The following OR2T10 variants were observed in gnomAD, a reference collection of about 807,000 sequenced individuals.
OR2T10 encodes olfactory receptor family 2 subfamily T member 10.
For synonymous variants in OR2T10, 125 were observed against 141.8 expected, an observed-to-expected ratio of 0.88 and a Z score of 0.84; for missense variants, 335 against 382.5, an observed-to-expected ratio of 0.88 and a Z score of 1.04.
At position 248,595,488 on chromosome 1, in the gene OR2T10, C is replaced by G. The variant is rs80004128; in HGVS notation, c.-28-1692G>C. ...ATCTTGCCCTGGCCAAGACTAAACT[C>G]GTGGGTTTTCATTTTGTTTTAGAAA... On this transcript the variant is annotated intron_variant, in intron 1 of 1. Coordinates refer to ENST00000642090, the MANE Select transcript of OR2T10 (RefSeq NM_001004693.2). 4.5e-3 allele frequency among the ~76,000 whole-genome samples: 647 copies of G among 142,976 alleles called. 102 individuals are homozygous for G. In the East Asian group the frequency reaches 0.11, roughly 25 times the overall value. The allele number at this position is 142,976 out of a possible 152,430, so 93.8% of individuals were successfully genotyped here. A position where few individuals can be genotyped will look rare whatever the true frequency, so the allele number is the denominator to read the frequency against.
chr1:248,597,408 T>C (rs1278346284), intron 1 of OR2T10, 84 bp downstream of exon 1: 1 of 143,066 alleles, frequency 7.0e-6, no homozygotes, highest in Non-Finnish European at 1.5e-5. Context: ...AACTGTTACA[T>C]TGGTGATTAA....
chr1:248,593,110 T>A lies in OR2T10; in HGVS notation c.659A>T (p.Tyr220Phe), dbSNP rs28733753. 0.017 allele frequency: 26,324 copies of A among 1,572,486 alleles called. 5,581 individuals carry two copies. In the African/African-American group the frequency reaches 0.23, roughly 14 times the overall value. The stretch of plus-strand genomic sequence containing the variant: ...CATCTTATGGATGGTGAGGATGATA[T>A]AGTAGTAAGACACTGAAATGACCGT... Reference protein sequence around the residue: ...PVTVISVSYYYIILTIHKMNS... With the variant: ...PVTVISVSYYFIILTIHKMNS... The change falls in exon 2 of 2, where the codon TAT becomes TTT. Residue 220 changes from tyrosine to phenylalanine, a missense_variant. Tyr to Phe is a conservative substitution (Grantham distance 22, BLOSUM62 3). Transcript: ENST00000642090.
At chr1:248,595,797 A>G (rs1660081346) in intron 1 of OR2T10, among the ~76,000 whole-genome samples, 1 of 142,892 alleles carries the variant, frequency 7.0e-6, no homozygotes, top group Non-Finnish European at 1.5e-5. Flanking sequence ...TAGATTCCAA[A>G]AGACAATGAA....
rs1489368008 is a variant in OR2T10, at chr1:248,594,356, C to T, written c.-28-560G>A. Among the ~76,000 whole-genome samples, 10 of 143,374 alleles carry T rather than the reference C, an allele frequency of 7.0e-5. 2 individuals carry two copies. Among genetic ancestry groups the T allele is most frequent in the Non-Finnish European group, 1.2e-4 (8 of 66,280 alleles). 94.1% of individuals were successfully genotyped at this position (143,374 alleles called of 152,430 possible). ...CATAAAATTCCAAACCCTTATATAA[C>T]GTTACAAATTTAGTCAAATTTCTTT... On this transcript the variant is annotated intron_variant, in intron 1 of 1. Transcript: ENST00000642090.
chr1:248,593,414 C>A lies in OR2T10; in HGVS notation c.355G>T (p.Ala119Ser). The change falls in exon 2 of 2, where the codon GCC becomes TCC. Residue 119 changes from alanine (A) to serine (S), a missense_variant. Physicochemically the swap from Ala to Ser is moderately conservative, Grantham distance 99. Transcript: ENST00000642090. The part of the protein sequence containing the change: ...GAECCLLAAM[A>S]YDRYVAICHP... ...CAGATAGCCACATAGCGGTCATAGGCCATGGCGGCTAGAAGGCAGCACTCT... is the reference window on the plus strand; with the variant it reads ...CAGATAGCCACATAGCGGTCATAGGACATGGCGGCTAGAAGGCAGCACTCT... 6.4e-7 allele frequency: 1 copy of A among 1,572,068 alleles called. No individual in the cohort carries two copies. The highest frequency in any genetic ancestry group is 8.6e-7 in the Non-Finnish European group (1 of 1,156,490).
rs1660001716 is a variant in OR2T10 at position 248,591,685 on chromosome 1, C to T, written c.*1145G>A. 1.4e-5 allele frequency: 2 copies of T among 143,934 alleles called. 1 individual carries two copies. The highest frequency in any genetic ancestry group is 5.5e-5 in the African/African-American group (2 of 36,640). The allele number at this position is 143,934 out of a possible 1,614,324, so 8.9% of individuals were successfully genotyped here. A position where few individuals can be genotyped will look rare whatever the true frequency, so the allele number is the denominator to read the frequency against. The stretch of plus-strand genomic sequence containing the variant: ...AGAGGCAATGCAGTGTGGAAAAGGC[C>T]ACAGACTCCACAAGACGTGGCACAT... On this transcript the variant is annotated 3_prime_UTR_variant, in exon 2 of 2. Transcript: ENST00000642090.
intron 1 of OR2T10, among the ~76,000 whole-genome samples, 151 bp downstream of exon 1, chr1:248,597,341 A>AAT (rs1233377323): frequency 0.078 from 99 of 1,268 alleles, 7 homozygotes; most frequent in Non-Finnish European, 0.12. Flanking sequence ...TGTGATCTAT[A>AAT]ATATAACAAT....
chr1:248,595,314 C>T (rs1660075484), intron 1 of OR2T10, among the ~76,000 whole-genome samples: 1 of 143,612 alleles, frequency 7.0e-6, no homozygotes, highest in African/African-American at 2.7e-5. Context: ...TTATTTAAAT[C>T]AGACACATAT....
chr1:248,595,374 T>C (rs1330244150), intron 1 of OR2T10, among the ~76,000 whole-genome samples: 2 of 143,672 alleles, frequency 1.4e-5, no homozygotes, highest in Admixed American at 6.8e-5. Flanking sequence ...TACATTGTAA[T>C]GTACACTTTA....
chr1:248,593,269 G>T lies in OR2T10; in HGVS notation c.500C>A (p.Pro167His). ...CTGAATCTCATGGGATCTGCAGAAGGGGAAGCTCATGGCGATGGGAGTGAG... is the reference window on the plus strand; with the variant it reads ...CTGAATCTCATGGGATCTGCAGAAGTGGAAGCTCATGGCGATGGGAGTGAG... ...FMLTPIAMSF[P>H]FCRSHEIQHF... is the part of the protein sequence containing the mutation. Residue 167 changes from proline (P) to histidine (H), a missense_variant, in exon 2 of 2, where the codon CCC (proline) becomes CAC (histidine). Physicochemically the swap from Pro to His is moderately conservative, Grantham distance 77. Coordinates refer to ENST00000642090, the MANE Select transcript of OR2T10 (RefSeq NM_001004693.2). 1 of 1,573,684 alleles carries T rather than the reference G, an allele frequency of 6.4e-7. No homozygotes were observed. Among genetic ancestry groups the T allele is most frequent in the Non-Finnish European group, 8.6e-7 (1 of 1,157,050 alleles).
intron 1 of OR2T10, chr1:248,595,001 CA>C (rs1660070892): frequency 7.0e-6 from 1 of 143,140 alleles, no homozygotes; most frequent in Non-Finnish European, 1.5e-5. Context: ...TGGCTGTGAA[CA>C]ATCAATTGAG....
rs139186691 is a variant in OR2T10, at chr1:248,593,604, C to T, written c.165G>A (p.Leu55=). 4.8e-5 allele frequency: 75 copies of T among 1,564,856 alleles called. 9 individuals carry two copies. The African/African-American group carries it at 7.2e-4, about 15-fold the overall frequency. ...TTATAAAGAAGTACATGGGAGTATG[C>T]AGAGAGGAGTCAATGTGGATCAGAA... ...LILLIHIDSS[L]HTPMYFFINQ... The change falls in exon 2 of 2, where the codon CTG becomes CTA. Residue 55 remains leucine (L), a synonymous_variant. Coordinates refer to ENST00000642090, the MANE Select transcript of OR2T10 (RefSeq NM_001004693.2).
Position 248,593,748 on chromosome 1 carries a change from G to T in OR2T10, c.21C>A (p.Thr7=), listed in dbSNP as rs1477534600. MRLANQ[T]LGGDFFLLGI... is the part of the protein sequence containing the mutation. The stretch of plus-strand genomic sequence containing the variant: ...CCAACAGGAAAAAGTCACCACCCAG[G>T]GTCTGGTTGGCCAGCCGCATGCTGT... Residue 7 remains threonine (T), a synonymous_variant, in exon 2 of 2, where the codon ACC becomes ACA. Transcript: ENST00000642090. 6.4e-7 allele frequency: 1 copy of T among 1,557,904 alleles called. No homozygotes were observed. The highest frequency in any genetic ancestry group is 8.7e-7 in the Non-Finnish European group (1 of 1,145,852).
At chr1:248,594,637 T>C (rs1188997454) in intron 1 of OR2T10, among the ~76,000 whole-genome samples, 2 of 143,492 alleles carry the variant, frequency 1.4e-5, no homozygotes, top group Non-Finnish European at 3.0e-5. Context: ...ATCAGCATTA[T>C]CATCCAATCA....
In OR2T10 at chr1:248,590,732, T is replaced by A. The variant is rs1659984143; in HGVS notation, c.*2098A>T. Reference sequence around the variant, plus strand: ...ATTTTTTCATTTTATAAACTTGTTTTGGCGTTTACTATAAACATTACAGCA... The same window carrying A: ...ATTTTTTCATTTTATAAACTTGTTTAGGCGTTTACTATAAACATTACAGCA... On this transcript the variant is annotated 3_prime_UTR_variant, in exon 2 of 2. Coordinates refer to ENST00000642090, the MANE Select transcript of OR2T10 (RefSeq NM_001004693.2). The A allele has an allele frequency of 7.0e-6, 1 of 143,336 alleles. No homozygotes were observed. The highest frequency in any genetic ancestry group is 1.5e-5 in the Non-Finnish European group (1 of 66,288). The allele number at this position is 143,336 out of a possible 1,614,324, so 8.9% of individuals were successfully genotyped here.
chr1:248,592,923 T>C lies in OR2T10; in HGVS notation c.846A>G (p.Thr282=). 4 of 1,566,274 alleles carry C rather than the reference T, an allele frequency of 2.6e-6. 1 individual carries two copies. In the South Asian group the frequency reaches 4.5e-5, roughly 18 times the overall value. ...TGTAAATGATAGGATTCAAGACAGG[T>C]GTAAGGATAGTGTAGAAAAAGGATG... ...MMSSFFYTIL[T]PVLNPIIYSF... Residue 282 remains threonine, a synonymous_variant, in exon 2 of 2, where the codon ACA becomes ACG. Transcript: ENST00000642090.
chr1:248,594,282 A>G (rs1371584409), intron 1 of OR2T10, among the ~76,000 whole-genome samples: 2 of 143,548 alleles, frequency 1.4e-5, no homozygotes, highest in South Asian at 2.2e-4. Context: ...CAATTTTTCA[A>G]TACTTAAAAG....
At position 248,593,144 on chromosome 1, in the gene OR2T10, T is replaced by A. The variant is rs1479843822; in HGVS notation, c.625A>T (p.Ile209Leu). Reference protein sequence around the residue: ...MYLCCVIMLLIPVTVISVSYY... With the variant: ...MYLCCVIMLLLPVTVISVSYY... ...GACACTGAAATGACCGTCACAGGTATCAGGAGCATGATGACACAGCACAAG... is the reference window on the plus strand; with the variant it reads ...GACACTGAAATGACCGTCACAGGTAACAGGAGCATGATGACACAGCACAAG... The change falls in exon 2 of 2, where the codon ATA becomes TTA. Residue 209 changes from isoleucine to leucine, a missense_variant. Coordinates refer to ENST00000642090, the MANE Select transcript of OR2T10 (RefSeq NM_001004693.2). The A allele has an allele frequency of 2.3e-5, 36 of 1,572,498 alleles. 7 individuals carry two copies. Among genetic ancestry groups the A allele is most frequent in the African/African-American group, 4.5e-5 (3 of 66,568 alleles).
Position 248,591,709 on chromosome 1 carries a change from A to G in OR2T10, c.*1121T>C, listed in dbSNP as rs1660002093. 1 of 144,176 alleles carries G rather than the reference A, an allele frequency of 6.9e-6. No homozygotes were observed. The highest frequency in any genetic ancestry group is 2.7e-5 in the African/African-American group (1 of 36,764). The allele number at this position is 144,176 out of a possible 1,614,324, so 8.9% of individuals were successfully genotyped here. A position where few individuals can be genotyped will look rare whatever the true frequency, so the allele number is the denominator to read the frequency against. ...CCACAGACTCCACAAGACGTGGCAC[A>G]TGCAGTGGTCAGGGGCAGGGACTCC... On this transcript the variant is annotated 3_prime_UTR_variant, in exon 2 of 2. Coordinates refer to ENST00000642090, the MANE Select transcript of OR2T10 (RefSeq NM_001004693.2).
Sources: allele counts gnomAD v4.1 joint callset (sites outside exome capture counted in the v4.1 genomes callset), GRCh38; gene constraint gnomAD v4.1.1; transcripts MANE v1.5; gene names NCBI Gene and HGNC (gene_info 2026-07-23, HGNC 2026-07-21).